AP2M1: variants seen among roughly 807,000 people sequenced by gnomAD.
AP2M1 encodes AP-2 complex subunit mu.
A neutral mutation model predicts 54.5 loss-of-function variants in AP2M1; 5 were observed. The ratio of observed to expected loss-of-function variants is 0.09; its 90% CI spans 0.05 to 0.19. The LOEUF is 0.19. Among genes scored for constraint, AP2M1 ranks in the 10% least tolerant of loss-of-function variants. The pLI is 1.00. For synonymous variants in AP2M1, 186 were observed against 208.2 expected, an observed-to-expected ratio of 0.89 and a Z score of 0.92; for missense variants, 178 against 580.2, an observed-to-expected ratio of 0.31 and a Z score of 7.12.
Position 184,180,257 on chromosome 3 carries a change from T to G in AP2M1, c.423+6T>G. The G allele has an allele frequency of 6.2e-7, 1 of 1,613,998 alleles. No individual in the cohort carries two copies. Among genetic ancestry groups the G allele is most frequent in the South Asian group, 1.1e-5 (1 of 91,048 alleles). Reference sequence around the variant, plus strand: ...AGCAGGGCATCAAGAGTCAGGTACTTGAATTGTGCAGACTATAGTCAGGGT... The same window carrying G: ...AGCAGGGCATCAAGAGTCAGGTACTGGAATTGTGCAGACTATAGTCAGGGT... On this transcript the variant is annotated splice_donor_region_variant and intron_variant, in intron 4 of 11. Transcript: ENST00000292807. The surrounding 1 kb of genome is among the most constrained non-coding windows in gnomAD (Gnocchi z 4.9).
At chr3:184,179,191 G>T in intron 3 of AP2M1, 69 bp downstream of exon 3, 1 of 1,566,344 alleles carries the variant, frequency 6.4e-7, no homozygotes, top group Non-Finnish European at 8.7e-7. Context: ...CTGGCCTGAA[G>T]GTGGGTGTAG....
In AP2M1 at chr3:184,180,301, A is replaced by T; in HGVS notation, c.423+50A>T. The T allele has an allele frequency of 6.3e-7, 1 of 1,593,712 alleles. No homozygotes were observed. The highest frequency in any genetic ancestry group is 8.6e-7 in the Non-Finnish European group (1 of 1,164,230). On this transcript the variant is annotated intron_variant, in intron 4 of 11. Transcript: ENST00000292807. This position sits in a 1 kb window ranked among gnomAD's most constrained non-coding sequence, Gnocchi z 4.9. ...TCAGGGTGGAGTCCAATCTCCCTTC[A>T]TCTCAGCTGGCCCCTGAGCCTTGTC...
intron 3 of AP2M1, among the ~76,000 whole-genome samples, chr3:184,179,751 C>CCT (rs1349571022): frequency 6.6e-6 from 1 of 151,496 alleles, no homozygotes; most frequent in African/African-American, 2.4e-5. Context: ...GCCTCGACCT[C>CCT]CTAGGCTCAA....
At chr3:184,176,231 G>A (rs1577056947) in intron 1 of AP2M1, among the ~76,000 whole-genome samples, 1 of 152,056 alleles carries the variant, frequency 6.6e-6, no homozygotes, top group Non-Finnish European at 1.5e-5. Flanking sequence ...TTTTTGAAAG[G>A]GGGGTGGTAA....
chr3:184,177,121 A>T, intron 2 of AP2M1, 54 bp downstream of exon 2: 1 of 1,554,678 alleles, frequency 6.4e-7, no homozygotes, highest in Non-Finnish European at 8.8e-7. Context: ...CCCCAGCCCC[A>T]GCATACAGGA....
chr3:184,181,891 C>A lies in AP2M1; in HGVS notation c.828-21C>A. On this transcript the variant is annotated intron_variant, in intron 8 of 11. Coordinates refer to ENST00000292807, the MANE Select transcript of AP2M1 (RefSeq NM_004068.4). This position sits in a 1 kb window ranked among gnomAD's most constrained non-coding sequence, Gnocchi z 5.7. ...AGGAAGTGGGTCAGCTCTTTGGTAACCTTGCTTCCCATCCCTTAAGGTATC... is the reference window on the plus strand; with the variant it reads ...AGGAAGTGGGTCAGCTCTTTGGTAAACTTGCTTCCCATCCCTTAAGGTATC... 6.2e-7 allele frequency: 1 copy of A among 1,613,784 alleles called. No homozygotes were observed. The highest frequency in any genetic ancestry group is 1.1e-5 in the South Asian group (1 of 91,054).
rs1355996588 is a variant in AP2M1, at chr3:184,180,540, G to A, written c.424-105G>A. ...AGGCCTGGTATTCCTCAGGAGGAGCGAGCTTGGGCCCTCTCCTCTAGGATC... is the reference window on the plus strand; with the variant it reads ...AGGCCTGGTATTCCTCAGGAGGAGCAAGCTTGGGCCCTCTCCTCTAGGATC... On this transcript the variant is annotated intron_variant, in intron 4 of 11. Transcript: ENST00000292807. The surrounding 1 kb of genome is among the most constrained non-coding windows in gnomAD (Gnocchi z 4.9). 3 of 1,569,308 alleles carry A rather than the reference G, an allele frequency of 1.9e-6. No individual in the cohort carries two copies. Among genetic ancestry groups the A allele is most frequent in the Admixed American group, 3.5e-5 (2 of 57,804 alleles).
chr3:184,180,315 C>A lies in AP2M1; in HGVS notation c.423+64C>A. 6.4e-7 allele frequency: 1 copy of A among 1,569,332 alleles called. No homozygotes were observed. The highest frequency in any genetic ancestry group is 1.1e-5 in the South Asian group (1 of 88,624). On this transcript the variant is annotated intron_variant, in intron 4 of 11. Coordinates refer to ENST00000292807, the MANE Select transcript of AP2M1 (RefSeq NM_004068.4). This position sits in a 1 kb window ranked among gnomAD's most constrained non-coding sequence, Gnocchi z 4.9. ...AATCTCCCTTCATCTCAGCTGGCCCCTGAGCCTTGTCTGAGCTGACTCATG... is the reference window on the plus strand; with the variant it reads ...AATCTCCCTTCATCTCAGCTGGCCCATGAGCCTTGTCTGAGCTGACTCATG...
intron 1 of AP2M1, among the ~76,000 whole-genome samples, chr3:184,175,874 A>T (rs186280596): frequency 7.7e-4 from 118 of 152,264 alleles, no homozygotes; most frequent in African/African-American, 2.7e-3. Context: ...CACCACCTTG[A>T]GAGACCGCTC....
intron 2 of AP2M1, chr3:184,177,893 T>C: frequency 5.0e-6 from 3 of 595,344 alleles, no homozygotes; most frequent in Non-Finnish European, 9.0e-6. Flanking sequence ...TTCATTTGGC[T>C]CCCTGGCTGA....
At position 184,183,005 on chromosome 3, in the gene AP2M1, C is replaced by G. The variant is rs774676330; in HGVS notation, c.1173+137C>G. On this transcript the variant is annotated intron_variant, in intron 11 of 11. Transcript: ENST00000292807. This position sits in a 1 kb window ranked among gnomAD's most constrained non-coding sequence, Gnocchi z 5.7. ...AAGAACTGGCTTTAATTCATAGATCCATTCTTCCCCTTTCAAGCCTCTTAG... is the reference window on the plus strand; with the variant it reads ...AAGAACTGGCTTTAATTCATAGATCGATTCTTCCCCTTTCAAGCCTCTTAG... The G allele has an allele frequency of 1.3e-6, 1 of 758,130 alleles. No homozygotes were observed. The allele number at this position is 758,130 out of a possible 1,614,324, so 47.0% of individuals were successfully genotyped here.
rs764819394 is a variant in AP2M1 at position 184,180,286 on chromosome 3, G to A, written c.423+35G>A. 1 of 1,607,788 alleles carries A rather than the reference G, an allele frequency of 6.2e-7. No homozygotes were observed. The highest frequency in any genetic ancestry group is 1.1e-5 in the South Asian group (1 of 90,756). ...TTGTGCAGACTATAGTCAGGGTGGA[G>A]TCCAATCTCCCTTCATCTCAGCTGG... On this transcript the variant is annotated intron_variant, in intron 4 of 11. Coordinates refer to ENST00000292807, the MANE Select transcript of AP2M1 (RefSeq NM_004068.4). The surrounding 1 kb of genome is among the most constrained non-coding windows in gnomAD (Gnocchi z 4.9).
chr3:184,183,634 G>A lies in AP2M1; in HGVS notation c.*18G>A, dbSNP rs1715345474. 2 of 1,609,768 alleles carry A rather than the reference G, an allele frequency of 1.2e-6. No individual in the cohort carries two copies. Among genetic ancestry groups the A allele is most frequent in the Non-Finnish European group, 1.7e-6 (2 of 1,178,756 alleles). Reference sequence around the variant, plus strand: ...GCTGCTAGCTGCCACTAGGCAGCTAGCCCACCTCCCCAGCCACCCTCCTCC... The same window carrying A: ...GCTGCTAGCTGCCACTAGGCAGCTAACCCACCTCCCCAGCCACCCTCCTCC... On this transcript the variant is annotated 3_prime_UTR_variant, in exon 12 of 12. Coordinates refer to ENST00000292807, the MANE Select transcript of AP2M1 (RefSeq NM_004068.4). This position sits in a 1 kb window ranked among gnomAD's most constrained non-coding sequence, Gnocchi z 5.7.
chr3:184,179,414 T>A, intron 3 of AP2M1: 1 of 402,654 alleles, frequency 2.5e-6, no homozygotes. Context: ...CTCTTTCCTT[T>A]GTGGCTTGGA....
chr3:184,176,981 C>A lies in AP2M1; in HGVS notation c.-13C>A. 6.2e-7 allele frequency: 1 copy of A among 1,613,582 alleles called. No individual in the cohort carries two copies. The highest frequency in any genetic ancestry group is 2.2e-5 in the East Asian group (1 of 44,886). ...TTCTCAGAGCGATGGGCCGCGGAGA[C>A]TGATCTGCCGCCATGATTGGAGGCT... On this transcript the variant is annotated 5_prime_UTR_variant, in exon 2 of 12. The change creates a new upstream start codon in the 5' untranslated region. Transcript: ENST00000292807.
At chr3:184,177,942 T>A in intron 2 of AP2M1, 1 of 602,862 alleles carries the variant, frequency 1.7e-6, no homozygotes, top group Non-Finnish European at 2.9e-6. Flanking sequence ...GTCCATTGGC[T>A]GGTGGTGTGG....
Position 184,183,334 on chromosome 3 carries a change from G to A in AP2M1, c.1174-148G>A. 8.3e-7 allele frequency: 1 copy of A among 1,209,862 alleles called. No individual in the cohort carries two copies. Among genetic ancestry groups the A allele is most frequent in the South Asian group, 1.5e-5 (1 of 68,074 alleles). 74.9% of individuals were successfully genotyped at this position (1,209,862 alleles called of 1,614,324 possible). ...GGCTTTCTTCTTTAGTCACCTCTTA[G>A]AAGGTCCCACGCCGCCCCAGCTTCT... On this transcript the variant is annotated intron_variant, in intron 11 of 11. Coordinates refer to ENST00000292807, the MANE Select transcript of AP2M1 (RefSeq NM_004068.4). The surrounding 1 kb of genome is among the most constrained non-coding windows in gnomAD (Gnocchi z 5.7).
chr3:184,176,382 A>G (rs1715073409), intron 1 of AP2M1, among the ~76,000 whole-genome samples: 1 of 152,182 alleles, frequency 6.6e-6, no homozygotes, highest in Non-Finnish European at 1.5e-5. Flanking sequence ...TTAGGGCCTA[A>G]GGGCTCCCTT....
intron 1 of AP2M1, among the ~76,000 whole-genome samples, chr3:184,176,561 C>G (rs555181021): frequency 6.6e-6 from 1 of 152,156 alleles, no homozygotes; most frequent in Non-Finnish European, 1.5e-5. Flanking sequence ...ATGCCTACCG[C>G]CATTCCTGCA....
Sources: allele counts gnomAD v4.1 joint callset (sites outside exome capture counted in the v4.1 genomes callset), GRCh38; gene constraint gnomAD v4.1.1; non-coding constraint Gnocchi (gnomAD v3.1); transcripts MANE v1.5; gene names NCBI Gene and HGNC (gene_info 2026-07-23, HGNC 2026-07-21).